The following RALGAPA2 variants were observed in gnomAD, a reference collection of about 807,000 sequenced individuals.
The protein encoded by RALGAPA2 is Ral GTPase activating protein catalytic subunit alpha 2.
A neutral mutation model predicts 230.4 loss-of-function variants in RALGAPA2; 139 were observed. The ratio of observed to expected loss-of-function variants is 0.60; its 90% CI spans 0.53 to 0.69. RALGAPA2 has a LOEUF of 0.69. RALGAPA2 is among the 30% of genes least tolerant of loss of function. The probability of loss-of-function intolerance (pLI) is 0.00; values close to 1 mark genes in which losing one functional copy is unlikely to be tolerated. For missense variants in RALGAPA2, 2,163 were observed against 2,276.0 expected (o/e 0.95, Z 1.01); for synonymous variants, 847 against 837.8 (o/e 1.01, Z -0.19).
chr20:20,535,539 C>A (rs948127728), intron 26 of RALGAPA2, among the ~76,000 whole-genome samples: 8 of 152,188 alleles, frequency 5.3e-5, no homozygotes, highest in Non-Finnish European at 1.0e-4. Flanking sequence ...ACTATATACT[C>A]TTCTGCACTT....
chr20:20,635,730 A>T, intron 8 of RALGAPA2, 113 bp from the exon 9 acceptor site: 1 of 908,606 alleles, frequency 1.1e-6, no homozygotes, highest in Non-Finnish European at 1.6e-6. Flanking sequence ...CTAAATAGCA[A>T]CTAAGAATGA....
rs1008490226 is a variant in RALGAPA2 at position 20,437,109 on chromosome 20, A to G, written c.5496-24961T>C. Reference sequence around the variant, plus strand: ...CCATCTGTTCACATGGGAATACATAATATGTATAATTTCATAAATGTTAGC... The same window carrying G: ...CCATCTGTTCACATGGGAATACATAGTATGTATAATTTCATAAATGTTAGC... On this transcript the variant is annotated intron_variant, in intron 37 of 39. Transcript: ENST00000202677. This position sits in a 1 kb window ranked among gnomAD's most constrained non-coding sequence, Gnocchi z 4.1. Among the ~76,000 whole-genome samples, 1 of 152,090 alleles carries G rather than the reference A, an allele frequency of 6.6e-6. No homozygotes were observed. Among genetic ancestry groups the G allele is most frequent in the Non-Finnish European group, 1.5e-5 (1 of 68,010 alleles).
chr20:20,418,718 T>A (rs1170817749), intron 37 of RALGAPA2, among the ~76,000 whole-genome samples: 1 of 149,126 alleles, frequency 6.7e-6, no homozygotes, highest in Non-Finnish European at 1.5e-5. Flanking sequence ...ACACATTGAG[T>A]GCAATTCTAT....
intron 23 of RALGAPA2, among the ~76,000 whole-genome samples, chr20:20,566,152 C>T (rs1014015194): frequency 2.6e-5 from 4 of 152,164 alleles, no homozygotes; most frequent in African/African-American, 9.7e-5. Flanking sequence ...CCCACCACTC[C>T]CCACATCTAC....
At chr20:20,559,398 C>G (rs1002229483) in intron 23 of RALGAPA2, among the ~76,000 whole-genome samples, 1 of 152,110 alleles carries the variant, frequency 6.6e-6, no homozygotes, top group African/African-American at 2.4e-5. Context: ...CCAACGGAAG[C>G]CAGCTCTATC....
chr20:20,559,183 A>G (rs2064178038), intron 23 of RALGAPA2, among the ~76,000 whole-genome samples: 1 of 152,158 alleles, frequency 6.6e-6, no homozygotes, highest in African/African-American at 2.4e-5. Context: ...AAAGCAGCAA[A>G]ACTGAAGCTC....
chr20:20,497,233 A>G (rs904632604), intron 35 of RALGAPA2, among the ~76,000 whole-genome samples: 1 of 152,240 alleles, frequency 6.6e-6, no homozygotes, highest in African/African-American at 2.4e-5. Context: ...TTTTTAATAA[A>G]ACATGCAAAG....
chr20:20,592,022 T>A lies in RALGAPA2; in HGVS notation c.2204-708A>T, dbSNP rs143757595. On this transcript the variant is annotated intron_variant, in intron 16 of 39. Coordinates refer to ENST00000202677, the MANE Select transcript of RALGAPA2 (RefSeq NM_020343.4). ...CATTTCTAAACTGCACAGTACACTTTAATCTCTAAAGACCACCCAAGGCAC... is the reference window on the plus strand; with the variant it reads ...CATTTCTAAACTGCACAGTACACTTAAATCTCTAAAGACCACCCAAGGCAC... Among the ~76,000 whole-genome samples, 155 of 152,300 alleles carry A rather than the reference T, an allele frequency of 1.0e-3. 1 individual carries two copies. Among genetic ancestry groups the A allele is most frequent in the African/African-American group, 3.6e-3 (150 of 41,564 alleles).
At chr20:20,613,476 T>C (rs1431351313) in intron 13 of RALGAPA2, among the ~76,000 whole-genome samples, 1 of 152,206 alleles carries the variant, frequency 6.6e-6, no homozygotes, top group African/African-American at 2.4e-5. Context: ...GCACTGCATG[T>C]TCTCCAGCAG....
intron 26 of RALGAPA2, among the ~76,000 whole-genome samples, chr20:20,532,630 C>T (rs56956460): frequency 9.9e-5 from 15 of 152,048 alleles, no homozygotes; most frequent in Middle Eastern, 3.4e-3. Flanking sequence ...TCAAGTAGGC[C>T]GTTTAATATA....
In RALGAPA2 at chr20:20,637,481, C is replaced by A; in HGVS notation, c.687G>T (p.Lys229Asn). The change falls in exon 8 of 40, where the codon AAG becomes AAT. Residue 229 changes from lysine to asparagine, a missense_variant. Physicochemically the swap from Lys to Asn is moderately conservative, Grantham distance 94. Coordinates refer to ENST00000202677, the MANE Select transcript of RALGAPA2 (RefSeq NM_020343.4). ...MVIQAASLEW[K>N]NKENQDTGFK... ...AACCAGTATCTTGATTCTCCTTATT[C>A]TTCCACTCCAAGCTCGCAGCCTTTG... 1 of 1,568,176 alleles carries A rather than the reference C, an allele frequency of 6.4e-7. No individual in the cohort carries two copies.
chr20:20,451,259 A>G (rs2060981571), intron 37 of RALGAPA2, among the ~76,000 whole-genome samples: 1 of 152,216 alleles, frequency 6.6e-6, no homozygotes. Context: ...TTTATAAGTT[A>G]GATGTGCATT....
At chr20:20,609,737 G>A (rs2065922562) in intron 14 of RALGAPA2, among the ~76,000 whole-genome samples, 1 of 152,214 alleles carries the variant, frequency 6.6e-6, no homozygotes. Flanking sequence ...TCGAAAGGGT[G>A]CCAACAGTGA....
At chr20:20,520,009 A>AGTGACGGGATTACAG in intron 31 of RALGAPA2, among the ~76,000 whole-genome samples, 1 of 152,246 alleles carries the variant, frequency 6.6e-6, no homozygotes, top group East Asian at 1.9e-4. Flanking sequence ...GGCCTCCCAA[A>AGTGACGGGATTACAG]GTGACGGGAT....
chr20:20,414,437 G>A (rs996181820), intron 37 of RALGAPA2, among the ~76,000 whole-genome samples: 2 of 152,168 alleles, frequency 1.3e-5, no homozygotes, highest in Non-Finnish European at 1.5e-5. Flanking sequence ...CGGAAGCCAC[G>A]TATCTGGAAA....
rs541438067 is a variant in RALGAPA2, at chr20:20,653,662, C to G, written c.271-75G>C. ...TTTCATGACAGGCCCATATTACTCACTGTAGGTAAGTTCTAGAAGAGGAAA... is the reference window on the plus strand; with the variant it reads ...TTTCATGACAGGCCCATATTACTCAGTGTAGGTAAGTTCTAGAAGAGGAAA... On this transcript the variant is annotated intron_variant, in intron 3 of 39. Coordinates refer to ENST00000202677, the MANE Select transcript of RALGAPA2 (RefSeq NM_020343.4). 26 of 841,056 alleles carry G rather than the reference C, an allele frequency of 3.1e-5. No homozygotes were observed. In the African/African-American group the frequency reaches 4.3e-4, roughly 14 times the overall value. 52.1% of individuals were successfully genotyped at this position (841,056 alleles called of 1,614,324 possible). A position where few individuals can be genotyped will look rare whatever the true frequency, so the allele number is the denominator to read the frequency against.
At chr20:20,645,813 A>G (rs1319050808) in intron 4 of RALGAPA2, among the ~76,000 whole-genome samples, 1 of 152,178 alleles carries the variant, frequency 6.6e-6, no homozygotes, top group Non-Finnish European at 1.5e-5. Flanking sequence ...TGAGGTGACA[A>G]TAGTACTTAT....
At chr20:20,614,564 T>C (rs768840671) in intron 13 of RALGAPA2, among the ~76,000 whole-genome samples, 6 of 152,200 alleles carry the variant, frequency 3.9e-5, no homozygotes, top group African/African-American at 7.2e-5. Context: ...GTTTTAACAA[T>C]TGTTTAACTT....
intron 37 of RALGAPA2, among the ~76,000 whole-genome samples, chr20:20,470,045 T>G (rs192808690): frequency 3.3e-5 from 5 of 152,172 alleles, no homozygotes; most frequent in Admixed American, 6.5e-5. Flanking sequence ...CCTACTGTGC[T>G]TACATTTTTT....
Sources: gnomAD v4.1 joint callset for allele counts (sites outside exome capture counted in the v4.1 genomes callset) on GRCh38, gnomAD v4.1.1 for gene constraint, Gnocchi (gnomAD v3.1) non-coding constraint, MANE v1.5 for transcripts, NCBI Gene and HGNC (gene_info 2026-07-23, HGNC 2026-07-21) for gene names.